CELSR2: variants seen among roughly 807,000 people sequenced by gnomAD.
The protein encoded by CELSR2 is cadherin EGF LAG seven-pass G-type receptor 2.
In CELSR2, 81 loss-of-function variants were observed where a neutral mutation model predicts 251.6. The observed-to-expected ratio is 0.32, with a 90% confidence interval of 0.27 to 0.39. The LOEUF (loss-of-function observed/expected upper bound fraction) is 0.39. Among genes scored for constraint, CELSR2 ranks in the 10% least tolerant of loss-of-function variants. The probability of loss-of-function intolerance (pLI) is 1.00; values close to 1 mark genes in which losing one functional copy is unlikely to be tolerated. For synonymous variants in CELSR2, 1,721 were observed against 1,670.5 expected (o/e 1.03, Z -0.74); for missense variants, 3,365 against 3,947.7 (o/e 0.85, Z 3.96).
At position 109,252,036 on chromosome 1, in the gene CELSR2, C is replaced by A. The variant is rs1315895140; in HGVS notation, c.1957C>A (p.Arg653=). 1 of 1,614,086 alleles carries A rather than the reference C, an allele frequency of 6.2e-7. No individual in the cohort carries two copies. The highest frequency in any genetic ancestry group is 8.5e-7 in the Non-Finnish European group (1 of 1,180,022). The stretch of plus-strand genomic sequence containing the variant: ...CTACCAGATCACCAGTGGCAATACT[C>A]GAAACCGCTTCTCCATCACCAGCCA... The part of the protein sequence containing the change: ...ITYQITSGNT[R]NRFSITSQSG... Residue 653 remains arginine (R), a synonymous_variant, in exon 1 of 34, where the codon CGA becomes AGA. Transcript: ENST00000271332. The surrounding 1 kb of genome is among the most constrained non-coding windows in gnomAD (Gnocchi z 4.8).
intron 24 of CELSR2, 68 bp from the exon 25 acceptor site, chr1:109,270,859 T>C: frequency 8.4e-7 from 1 of 1,193,186 alleles, no homozygotes; most frequent in Non-Finnish European, 1.2e-6. Flanking sequence ...TGAGCCCACC[T>C]GCCCGCAGCC....
chr1:109,253,514 C>T, intron 1 of CELSR2, 125 bp downstream of exon 1: 1 of 1,452,922 alleles, frequency 6.9e-7, no homozygotes. Context: ...GTGCCTGGCA[C>T]AGAGCAGGAG....
chr1:109,262,467 G>C (rs749624953), intron 6 of CELSR2, 23 bp downstream of exon 6: 1 of 1,610,416 alleles, frequency 6.2e-7, no homozygotes, highest in African/African-American at 1.3e-5. Context: ...AAGGGCCAGG[G>C]ATGGGGTGAA....
chr1:109,273,529 C>G lies in CELSR2; in HGVS notation c.8603C>G (p.Ser2868Cys), dbSNP rs1425470957. Residue 2868 changes from serine to cysteine, a missense_variant, in exon 33 of 34, where the codon TCC becomes TGC. By Grantham distance (112) the Ser-to-Cys change is moderately radical (BLOSUM62 -1). Coordinates refer to ENST00000271332, the MANE Select transcript of CELSR2 (RefSeq NM_001408.3). ...CAATGCACAGGGTCTTCCCGGGGCTCCTCCGCTAGTGAGGGCAGCCGGGGA... is the reference window on the plus strand; with the variant it reads ...CAATGCACAGGGTCTTCCCGGGGCTGCTCCGCTAGTGAGGGCAGCCGGGGA... ...LEQCTGSSRG[S>C]SASEGSRGGP... is the part of the protein sequence containing the mutation. 3 of 1,598,320 alleles carry G rather than the reference C, an allele frequency of 1.9e-6. No individual in the cohort carries two copies. In the African/African-American group the frequency reaches 4.0e-5, roughly 21 times the overall value.
chr1:109,267,459 G>A (rs771786512), intron 15 of CELSR2, 89 bp from the exon 16 acceptor site: 6 of 1,204,234 alleles, frequency 5.0e-6, no homozygotes, highest in Non-Finnish European at 7.1e-6. Flanking sequence ...GGCCCATGAG[G>A]TGCTGGCCTC....
intron 15 of CELSR2, among the ~76,000 whole-genome samples, chr1:109,267,114 C>A (rs748809989): frequency 6.6e-6 from 1 of 151,910 alleles, no homozygotes; most frequent in African/African-American, 2.4e-5. Flanking sequence ...ATGCAGGGTT[C>A]CAATCGTCAG....
Position 109,266,086 on chromosome 1 carries a change from C to G in CELSR2, c.5912-19C>G. Reference sequence around the variant, plus strand: ...AGAGGGAGAGCTGCTCCTGGGTGACCATGTGCTCTTCCCCGCAGTGAATTA... The same window carrying G: ...AGAGGGAGAGCTGCTCCTGGGTGACGATGTGCTCTTCCCCGCAGTGAATTA... On this transcript the variant is annotated intron_variant, in intron 14 of 33. Coordinates refer to ENST00000271332, the MANE Select transcript of CELSR2 (RefSeq NM_001408.3). 6.2e-7 allele frequency: 1 copy of G among 1,613,156 alleles called. No homozygotes were observed. The highest frequency in any genetic ancestry group is 8.5e-7 in the Non-Finnish European group (1 of 1,179,642).
chr1:109,273,999 A>T (rs1466894757), intron 33 of CELSR2, 23 bp from the exon 34 acceptor site: 7 of 1,613,716 alleles, frequency 4.3e-6, no homozygotes, highest in Non-Finnish European at 5.9e-6. Flanking sequence ...CTTTTCTGCC[A>T]CTTTCCTTTC....
chr1:109,267,777 T>TC, intron 16 of CELSR2, 74 bp from the exon 17 acceptor site: 1 of 1,570,962 alleles, frequency 6.4e-7, no homozygotes, highest in East Asian at 2.3e-5. Flanking sequence ...GGAGAGGCCG[T>TC]CTCTCACCTC....
Position 109,266,115 on chromosome 1 carries a change from C to T in CELSR2, c.5922C>T (p.Asp1974=), listed in dbSNP as rs1466083503. The T allele has an allele frequency of 1.2e-6, 2 of 1,614,038 alleles. No individual in the cohort carries two copies. Among genetic ancestry groups the T allele is most frequent in the Admixed American group, 3.3e-5 (2 of 60,024 alleles). Residue 1974 remains aspartate (D), a synonymous_variant, in exon 15 of 34, where the codon GAC becomes GAT. Coordinates refer to ENST00000271332, the MANE Select transcript of CELSR2 (RefSeq NM_001408.3). ...TGCTCTTCCCCGCAGTGAATTATGA[C>T]AGCTGCCCACGAGCGATTGAGGCTG... is the stretch of plus-strand genomic sequence containing the variant. The part of the protein sequence containing the change: ...VTTNGCEVNY[D]SCPRAIEAGI...
In CELSR2 at chr1:109,262,800, C is replaced by G; in HGVS notation, c.4545-6C>G. ...CCTTGTGCCGCCACCATCTTTGCTC[C>G]CCCAGGTCTCTGGATCTGACGGGGC... On this transcript the variant is annotated splice_region_variant and splice_polypyrimidine_tract_variant and intron_variant, in intron 6 of 33. Coordinates refer to ENST00000271332, the MANE Select transcript of CELSR2 (RefSeq NM_001408.3). 1 of 1,610,514 alleles carries G rather than the reference C, an allele frequency of 6.2e-7. No individual in the cohort carries two copies. Among genetic ancestry groups the G allele is most frequent in the Non-Finnish European group, 8.5e-7 (1 of 1,177,908 alleles).
chr1:109,258,945 G>A lies in CELSR2; in HGVS notation c.3824G>A (p.Arg1275His), dbSNP rs760302716. 2.5e-6 allele frequency: 4 copies of A among 1,611,534 alleles called. No individual in the cohort carries two copies. Among genetic ancestry groups the A allele is most frequent in the South Asian group, 1.1e-5 (1 of 91,020 alleles). The change falls in exon 2 of 34, where the codon CGC (arginine) becomes CAC (histidine). Residue 1275 changes from arginine to histidine, a missense_variant. Physicochemically the swap from Arg to His is conservative, Grantham distance 29. Coordinates refer to ENST00000271332, the MANE Select transcript of CELSR2 (RefSeq NM_001408.3). Reference sequence around the variant, plus strand: ...CACCCCGTCGGAGGGCTGCGCTGCCGCTGCCCGCCCGGCTTCACGGGTGAC... The same window carrying A: ...CACCCCGTCGGAGGGCTGCGCTGCCACTGCCCGCCCGGCTTCACGGGTGAC... ...PIHPVGGLRC[R>H]CPPGFTGDYC...
At position 109,274,061 on chromosome 1, in the gene CELSR2, G is replaced by GC; in HGVS notation, c.*12_*13insC. The GC allele has an allele frequency of 7.4e-6, 12 of 1,614,054 alleles. No individual in the cohort carries two copies. The highest frequency in any genetic ancestry group is 1.0e-5 in the Non-Finnish European group (12 of 1,180,008). On this transcript the variant is annotated 3_prime_UTR_variant, in exon 34 of 34. Transcript: ENST00000271332. Reference sequence around the variant, plus strand: ...ACTTCCTGCATTAACCCTGGGCCGTGGTTCCTACGCCCGAGGCTCCCTTCC... The same window carrying GC: ...ACTTCCTGCATTAACCCTGGGCCGTGCGTTCCTACGCCCGAGGCTCCCTTCC...
At chr1:109,256,953 C>T (rs640137) in intron 1 of CELSR2, among the ~76,000 whole-genome samples, 14,969 of 152,142 alleles carry the variant, frequency 0.098, 852 homozygotes, top group African/African-American at 0.12. Flanking sequence ...CCACTGCGCC[C>T]GGCCCCCTGC....
chr1:109,272,943 G>A lies in CELSR2; in HGVS notation c.8254G>A (p.Glu2752Lys), dbSNP rs750535751. 9.3e-6 allele frequency: 15 copies of A among 1,614,092 alleles called. No homozygotes were observed. The highest frequency in any genetic ancestry group is 1.3e-5 in the Non-Finnish European group (15 of 1,180,022). ...GGAGGAAGAAGAGGAGGAGGAAGAG[G>A]AGGCCGCCTTCCCTGGAGAGCAGGG... ...SEEEEEEEEE[E>K]AAFPGEQGWD... Residue 2752 changes from glutamate to lysine, a missense_variant, in exon 31 of 34, where the codon GAG (glutamate) becomes AAG (lysine). Glu to Lys is a moderately conservative substitution (Grantham distance 56). Around this residue, in one of 5 missense-constraint regions of CELSR2, gnomAD observed 2,093 missense variants for 2,382.8 expected, o/e 0.88. Coordinates refer to ENST00000271332, the MANE Select transcript of CELSR2 (RefSeq NM_001408.3).
Position 109,263,171 on chromosome 1 carries a change from A to G in CELSR2, c.4738A>G (p.Ser1580Gly), listed in dbSNP as rs374483189. ...GCPAKKNVCDSNTCHNGGTCV... is the reference protein window; with the variant it reads ...GCPAKKNVCDGNTCHNGGTCV... ...CCCTGCCAAGAAGAACGTGTGTGAC[A>G]GCAACACTTGCCACAATGGGGGCAC... Residue 1580 changes from serine to glycine, a missense_variant, in exon 8 of 34, where the codon AGC becomes GGC. By Grantham distance (56) the Ser-to-Gly change is moderately conservative (BLOSUM62 0). Transcript: ENST00000271332. The G allele has an allele frequency of 1.7e-5, 28 of 1,600,292 alleles. No individual in the cohort carries two copies. The highest frequency in any genetic ancestry group is 2.3e-5 in the Non-Finnish European group (27 of 1,168,858).
Position 109,265,093 on chromosome 1 carries a change from C to G in CELSR2, c.5606+84C>G, listed in dbSNP as rs547000437. 1.9e-5 allele frequency: 31 copies of G among 1,597,210 alleles called. No individual in the cohort carries two copies. The African/African-American group carries it at 3.7e-4, about 19-fold the overall frequency. ...GTCCCTCAGAGCCCCGAAAGCCTGG[C>G]TGATCCACAGCCAGGGTCAGAAGGG... is the stretch of plus-strand genomic sequence containing the variant. On this transcript the variant is annotated intron_variant, in intron 12 of 33. Coordinates refer to ENST00000271332, the MANE Select transcript of CELSR2 (RefSeq NM_001408.3).
intron 15 of CELSR2, among the ~76,000 whole-genome samples, chr1:109,267,183 G>T (rs1055342150): frequency 1.3e-5 from 2 of 151,986 alleles, no homozygotes; most frequent in African/African-American, 2.4e-5. Context: ...GGGAGTAGGG[G>T]GTGTTGGCTG....
At position 109,252,296 on chromosome 1, in the gene CELSR2, G is replaced by C. The variant is rs150579219; in HGVS notation, c.2217G>C (p.Glu739Asp). The C allele has an allele frequency of 6.2e-7, 1 of 1,613,230 alleles. No homozygotes were observed. The highest frequency in any genetic ancestry group is 2.2e-5 in the East Asian group (1 of 44,882). ...TTVVLISATD[E>D]DTGENARITY... ...TGGTGCTGATCAGCGCCACGGATGA[G>C]GACACAGGTGAGAATGCCCGCATCA... The change falls in exon 1 of 34, where the codon GAG becomes GAC. Residue 739 changes from glutamate (E) to aspartate (D), a missense_variant. Glu to Asp is a conservative substitution (Grantham distance 45). Transcript: ENST00000271332. The surrounding 1 kb of genome is among the most constrained non-coding windows in gnomAD (Gnocchi z 4.8).
Sources: gnomAD v4.1 joint callset for allele counts (sites outside exome capture counted in the v4.1 genomes callset) on GRCh38, gnomAD v4.1.1 for gene constraint, gnomAD v4.1.1 regional missense constraint, Gnocchi (gnomAD v3.1) non-coding constraint, MANE v1.5 for transcripts, NCBI Gene and HGNC (gene_info 2026-07-23, HGNC 2026-07-21) for gene names.